Variants in NRXN1 observed in about 807,000 individuals in gnomAD.
The protein encoded by NRXN1 is neurexin-1.
NRXN1 carries 39 observed loss-of-function variants against 150.9 expected under a neutral mutation model. That is an observed-to-expected ratio of 0.26 (90% CI 0.20 to 0.34). NRXN1 has a LOEUF of 0.34. Among genes scored for constraint, NRXN1 ranks in the 10% least tolerant of loss-of-function variants. The pLI is 1.00. For missense variants in NRXN1, 1,815 were observed against 1,949.9 expected (o/e 0.93, Z 1.30); for synonymous variants, 924 against 757.0 (o/e 1.22, Z -3.62).
rs1280890756 is a variant in NRXN1, at chr2:50,442,825, T to A, written c.3364+22617A>T. Among the ~76,000 whole-genome samples the A allele has an allele frequency of 2.6e-5, 4 of 152,132 alleles. No homozygotes were observed. The East Asian group carries it at 7.7e-4, about 29-fold the overall frequency. ...GAGTTGGTGGACACCTTGGAAGAAG[T>A]CACAGAGGAAGGAGGACAACCATGT... On this transcript the variant is annotated intron_variant, in intron 17 of 22. Coordinates refer to ENST00000401669, the MANE Select transcript of NRXN1 (RefSeq NM_001330078.2).
At chr2:50,687,214 T>C (rs1242668784) in intron 5 of NRXN1, among the ~76,000 whole-genome samples, 2 of 152,166 alleles carry the variant, frequency 1.3e-5, no homozygotes, top group East Asian at 3.9e-4. Context: ...ACCTAGGCAT[T>C]TCCTGGGAAG....
chr2:50,013,393 ATC>A (rs1686035927), intron 21 of NRXN1, among the ~76,000 whole-genome samples: 1 of 151,856 alleles, frequency 6.6e-6, no homozygotes, highest in Non-Finnish European at 1.5e-5. Flanking sequence ...AAGTTAAAGA[ATC>A]TCTTTAGGAA....
chr2:50,542,527 C>G (rs1248844112), intron 9 of NRXN1, among the ~76,000 whole-genome samples: 1 of 152,128 alleles, frequency 6.6e-6, no homozygotes, highest in Non-Finnish European at 1.5e-5. Context: ...TCAAGTACTA[C>G]TTTATCTATA....
intron 18 of NRXN1, among the ~76,000 whole-genome samples, chr2:50,174,424 A>G (rs112444184): frequency 0.011 from 1,722 of 152,254 alleles, 38 homozygotes; most frequent in African/African-American, 0.039. Context: ...CATATTTATT[A>G]ATATTACTAT....
intron 2 of NRXN1, among the ~76,000 whole-genome samples, chr2:51,023,832 A>C (rs915399648): frequency 3.5e-4 from 54 of 152,200 alleles, no homozygotes; most frequent in Admixed American, 4.6e-4. Context: ...TCACATTCAC[A>C]AAGTAATGGA....
intron 2 of NRXN1, among the ~76,000 whole-genome samples, chr2:50,936,737 T>C (rs904612031): frequency 2.0e-5 from 3 of 152,094 alleles, no homozygotes; most frequent in Admixed American, 6.6e-5. Context: ...CAGAGCAATA[T>C]GAAAACTATT....
At chr2:50,479,680 C>G (rs2090293913) in intron 15 of NRXN1, among the ~76,000 whole-genome samples, 1 of 150,404 alleles carries the variant, frequency 6.6e-6, no homozygotes, top group Admixed American at 6.6e-5. Flanking sequence ...TGTCAGCACT[C>G]ATATTTGTCC....
At chr2:50,224,969 G>C (rs930158822) in intron 18 of NRXN1, among the ~76,000 whole-genome samples, 2 of 151,988 alleles carry the variant, frequency 1.3e-5, no homozygotes, top group African/African-American at 4.8e-5. Context: ...ATGATCACCT[G>C]TGTGTAGTAT....
At chr2:50,276,759 G>A (rs1338019404) in intron 17 of NRXN1, among the ~76,000 whole-genome samples, 1 of 152,100 alleles carries the variant, frequency 6.6e-6, no homozygotes, top group East Asian at 1.9e-4. Flanking sequence ...AGTCCTATAT[G>A]ATTTCCTTGC....
chr2:50,020,195 C>T (rs1402691962), intron 21 of NRXN1, among the ~76,000 whole-genome samples: 2 of 152,014 alleles, frequency 1.3e-5, no homozygotes, highest in East Asian at 1.9e-4. Context: ...AGCAGAAGAA[C>T]AATGGGTAAT....
rs183198043 is a variant in NRXN1, at chr2:50,084,843, T to C, written c.3718+6480A>G. On this transcript the variant is annotated intron_variant, in intron 19 of 22. Transcript: ENST00000401669. ...AAGTAAGAACAAGTGAGAAGTCTGATAATATATCATTTCTTTCCATCTCCT... is the reference window on the plus strand; with the variant it reads ...AAGTAAGAACAAGTGAGAAGTCTGACAATATATCATTTCTTTCCATCTCCT... Among the ~76,000 whole-genome samples, 16 of 152,364 alleles carry C rather than the reference T, an allele frequency of 1.1e-4. No homozygotes were observed. In the East Asian group the frequency reaches 2.7e-3, roughly 26 times the overall value.
chr2:50,058,337 C>T (rs537520828), intron 19 of NRXN1, among the ~76,000 whole-genome samples: 1 of 152,188 alleles, frequency 6.6e-6, no homozygotes, highest in South Asian at 2.1e-4. Flanking sequence ...AGAAAGGTAG[C>T]CACACAAGGG....
chr2:50,659,479 T>C (rs1686977132), intron 5 of NRXN1, among the ~76,000 whole-genome samples: 1 of 151,940 alleles, frequency 6.6e-6, no homozygotes. Flanking sequence ...CACATTGGTA[T>C]ACTGTCTGGG....
At chr2:50,810,844 G>T (rs970197894) in intron 5 of NRXN1, among the ~76,000 whole-genome samples, 10 of 152,062 alleles carry the variant, frequency 6.6e-5, no homozygotes, top group African/African-American at 2.2e-4. Flanking sequence ...GCCAGATGTG[G>T]TGGTGCACAC....
At chr2:50,921,925 C>T (rs201077899) in intron 4 of NRXN1, 45 bp from the exon 5 acceptor site, 35 of 1,254,748 alleles carry the variant, frequency 2.8e-5, no homozygotes, top group Non-Finnish European at 3.4e-5. Context: ...GGTTTCCAGA[C>T]AAAGAGGATA....
At chr2:50,181,002 TG>T (rs1450001990) in intron 18 of NRXN1, among the ~76,000 whole-genome samples, 1 of 152,158 alleles carries the variant, frequency 6.6e-6, no homozygotes, top group African/African-American at 2.4e-5. Context: ...TTTATATTTG[TG>T]TTTTCCAATT....
At chr2:50,911,749 G>A (rs1479285483) in intron 5 of NRXN1, among the ~76,000 whole-genome samples, 3 of 151,896 alleles carry the variant, frequency 2.0e-5, no homozygotes, top group Non-Finnish European at 4.4e-5. Context: ...TCCATAGGTG[G>A]GCATTACATA....
intron 17 of NRXN1, among the ~76,000 whole-genome samples, chr2:50,464,806 T>C (rs2088639096): frequency 6.6e-6 from 1 of 151,954 alleles, no homozygotes; most frequent in Non-Finnish European, 1.5e-5. Context: ...GTTAATTCCA[T>C]CTTCAAACCC....
At position 50,512,204 on chromosome 2, in the gene NRXN1, T is replaced by C. The variant is rs180710664; in HGVS notation, c.2375-5587A>G. ...GAATATCTCTAATGGTGCAAGCTTT[T>C]TATTTTTATTATTACTGTTACTAAT... On this transcript the variant is annotated intron_variant, in intron 12 of 22. Coordinates refer to ENST00000401669, the MANE Select transcript of NRXN1 (RefSeq NM_001330078.2). Among the ~76,000 whole-genome samples, 357 of 152,332 alleles carry C rather than the reference T, an allele frequency of 2.3e-3. 4 individuals are homozygous for C. The highest frequency in any genetic ancestry group is 6.8e-3 in the Middle Eastern group (2 of 294).
Sources: gnomAD v4.1 joint callset for allele counts (sites outside exome capture counted in the v4.1 genomes callset) on GRCh38, gnomAD v4.1.1 for gene constraint, MANE v1.5 for transcripts, NCBI Gene and HGNC (gene_info 2026-07-23, HGNC 2026-07-21) for gene names.